Variants in COQ6 observed in about 807,000 individuals in gnomAD.
COQ6 encodes the protein coenzyme Q6, monooxygenase, also known as ubiquinone biosynthesis monooxygenase COQ6, mitochondrial.
A neutral mutation model predicts 55.5 loss-of-function variants in COQ6; 45 were observed. The observed-to-expected ratio is 0.81, with a 90% CI of 0.64 to 1.04. The LOEUF (loss-of-function observed/expected upper bound fraction) is 1.04, where lower values mean the gene tolerates loss of function less well. Among genes scored for constraint, COQ6 ranks in the 50% least tolerant of loss-of-function variants. The pLI is 0.00. For missense variants in COQ6, 550 were observed against 601.3 expected (o/e 0.91, Z 0.89); for synonymous variants, 206 against 230.5 (o/e 0.89, Z 0.96).
chr14:73,963,256 T>G lies in COQ6; in HGVS notation c.*257T>G, dbSNP rs2056836889. 2 of 562,750 alleles carry G rather than the reference T, an allele frequency of 3.6e-6. No homozygotes were observed. Among genetic ancestry groups the G allele is most frequent in the East Asian group, 2.9e-5 (1 of 34,944 alleles). The allele number at this position is 562,750 out of a possible 1,614,324, so 34.9% of individuals were successfully genotyped here. ...TTGGTTGAAAAGAGCTTTTTATTAC[T>G]AAAAAACCCACAAGGTGCTGTCTCA... is the stretch of plus-strand genomic sequence containing the variant. On this transcript the variant is annotated 3_prime_UTR_variant, in exon 12 of 12. Coordinates refer to ENST00000334571, the MANE Select transcript of COQ6 (RefSeq NM_182476.3).
rs2056716636 is a variant in COQ6, at chr14:73,961,275, C to T, written c.994C>T (p.Pro332Ser). ...KPTKVSARQL[P>S]PSVARVDAKS... Reference sequence around the variant, plus strand: ...CACTAAGGTCTCGGCTCGCCAGCTGCCCCCAAGCGTAGCCAGGGTGGATGC... The same window carrying T: ...CACTAAGGTCTCGGCTCGCCAGCTGTCCCCAAGCGTAGCCAGGGTGGATGC... Residue 332 changes from proline to serine, a missense_variant, in exon 9 of 12, where the codon CCC becomes TCC. Coordinates refer to ENST00000334571, the MANE Select transcript of COQ6 (RefSeq NM_182476.3). 1 of 1,614,040 alleles carries T rather than the reference C, an allele frequency of 6.2e-7. No individual in the cohort carries two copies. Among genetic ancestry groups the T allele is most frequent in the African/African-American group, 1.3e-5 (1 of 74,920 alleles).
At chr14:73,951,153 C>T (rs759206202) in intron 1 of COQ6, among the ~76,000 whole-genome samples, 1 of 152,074 alleles carries the variant, frequency 6.6e-6, no homozygotes, top group Non-Finnish European at 1.5e-5. Context: ...TGCGCCACCA[C>T]TCGGCTGATT....
intron 4 of COQ6, among the ~76,000 whole-genome samples, chr14:73,957,101 A>AT (rs1418106208): frequency 0.071 from 10,250 of 143,508 alleles, 425 homozygotes; most frequent in African/African-American, 0.083. Context: ...TATTATTATT[A>AT]TTTTTTTTTT....
Position 73,950,391 on chromosome 14 carries a change from C to T in COQ6, c.59C>T (p.Pro20Leu). 6.3e-7 allele frequency: 1 copy of T among 1,577,748 alleles called. No individual in the cohort carries two copies. Among genetic ancestry groups the T allele is most frequent in the South Asian group, 1.2e-5 (1 of 86,568 alleles). The change falls in exon 1 of 12, where the codon CCG becomes CTG. Residue 20 changes from proline to leucine, a missense_variant. Physicochemically the swap from Pro to Leu is moderately conservative, Grantham distance 98. Transcript: ENST00000334571. Reference protein sequence around the residue: ...GAVRAAPHSGPLVSWRRWSGA... With the variant: ...GAVRAAPHSGLLVSWRRWSGA... ...GTGCGTGCAGCTCCCCACAGCGGCCCGCTGGTGTCCTGGCGCAGGTGGTCC... is the reference window on the plus strand; with the variant it reads ...GTGCGTGCAGCTCCCCACAGCGGCCTGCTGGTGTCCTGGCGCAGGTGGTCC...
intron 8 of COQ6, chr14:73,960,215 C>T (rs2056650236): frequency 1.0e-6 from 1 of 987,488 alleles, no homozygotes; most frequent in Non-Finnish European, 1.2e-6. Context: ...TAAGAGTAAG[C>T]TTAGTAGATA....
Position 73,963,258 on chromosome 14 carries a change from A to G in COQ6, c.*259A>G, listed in dbSNP as rs759501929. The G allele has an allele frequency of 8.9e-6, 5 of 562,372 alleles. No homozygotes were observed. Among genetic ancestry groups the G allele is most frequent in the Non-Finnish European group, 1.6e-5 (5 of 319,506 alleles). The allele number at this position is 562,372 out of a possible 1,614,324, so 34.8% of individuals were successfully genotyped here. A position where few individuals can be genotyped will look rare whatever the true frequency, so the allele number is the denominator to read the frequency against. On this transcript the variant is annotated 3_prime_UTR_variant, in exon 12 of 12. Transcript: ENST00000334571. ...GGTTGAAAAGAGCTTTTTATTACTAAAAAACCCACAAGGTGCTGTCTCACT... is the reference window on the plus strand; with the variant it reads ...GGTTGAAAAGAGCTTTTTATTACTAGAAAACCCACAAGGTGCTGTCTCACT...
Position 73,961,792 on chromosome 14 carries a change from T to C in COQ6, c.1266T>C (p.Ala422=). 2.5e-6 allele frequency: 4 copies of C among 1,614,184 alleles called. No homozygotes were observed. Among genetic ancestry groups the C allele is most frequent in the Non-Finnish European group, 2.5e-6 (3 of 1,180,034 alleles). ...CAGAAAGACAGCGTCACAACACTGC[T>C]CTTCTGGCTGCTACAGACTTACTAA... ...YETERQRHNT[A]LLAATDLLKR... is the part of the protein sequence containing the mutation. The change falls in exon 11 of 12, where the codon GCT becomes GCC. Residue 422 remains alanine (A), a synonymous_variant. Coordinates refer to ENST00000334571, the MANE Select transcript of COQ6 (RefSeq NM_182476.3).
intron 8 of COQ6, 41 bp downstream of exon 8, chr14:73,959,563 G>C (rs1416300619): frequency 6.2e-7 from 1 of 1,613,904 alleles, no homozygotes; most frequent in Non-Finnish European, 8.5e-7. Context: ...GCTGCAGGGG[G>C]AGATACAGAA....
intron 1 of COQ6, among the ~76,000 whole-genome samples, chr14:73,951,870 TGGG>T (rs1460076037): frequency 1.4e-5 from 2 of 148,128 alleles, no homozygotes; most frequent in Non-Finnish European, 3.0e-5. Context: ...CATGGCTGCT[TGGG>T]AGGCTGAGGC....
intron 7 of COQ6, 35 bp downstream of exon 7, chr14:73,959,259 A>C (rs772524163): frequency 1.9e-6 from 3 of 1,614,102 alleles, no homozygotes; most frequent in East Asian, 4.5e-5. Flanking sequence ...GCCCACATGC[A>C]TGCAAGCCTT....
chr14:73,958,309 T>C, intron 5 of COQ6, 32 bp downstream of exon 5: 1 of 1,613,322 alleles, frequency 6.2e-7, no homozygotes, highest in Non-Finnish European at 8.5e-7. Flanking sequence ...GCTAGGGGTC[T>C]TGTATATCTA....
intron 5 of COQ6, chr14:73,958,768 A>C: frequency 1.4e-6 from 2 of 1,481,422 alleles, no homozygotes; most frequent in Non-Finnish European, 1.8e-6. Flanking sequence ...CTGTTCAGTC[A>C]TGTCCAGCTT....
rs2056850408 is a variant in COQ6 at position 73,963,515 on chromosome 14, C to T, written c.*516C>T. ...AAAGGAAAACCAGGTCTCATTAATG[C>T]TAGTTATTACTTTATCACAGCACCA... On this transcript the variant is annotated 3_prime_UTR_variant, in exon 12 of 12. Transcript: ENST00000334571. 1 of 167,964 alleles carries T rather than the reference C, an allele frequency of 6.0e-6. No individual in the cohort carries two copies. The highest frequency in any genetic ancestry group is 6.0e-5 in the Admixed American group (1 of 16,746). The allele number at this position is 167,964 out of a possible 1,614,324, so 10.4% of individuals were successfully genotyped here.
chr14:73,960,672 CAAGT>C (rs776722655), intron 8 of COQ6: 42 of 858,530 alleles, frequency 4.9e-5, no homozygotes, highest in Non-Finnish European at 5.8e-5. Context: ...AGTTCATAGT[CAAGT>C]AAGGAAGACC....
Position 73,961,838 on chromosome 14 carries a change from G to C in COQ6, c.1312G>C (p.Ala438Pro). 1 of 1,614,184 alleles carries C rather than the reference G, an allele frequency of 6.2e-7. No homozygotes were observed. The highest frequency in any genetic ancestry group is 8.5e-7 in the Non-Finnish European group (1 of 1,180,030). ...ACTAAAAAGGCTCTATTCTACCAGT[G>C]CCTCCCCGCTTGTGTTGCTCAGGAC... ...DLLKRLYSTSASPLVLLRTWG... is the reference protein window; with the variant it reads ...DLLKRLYSTSPSPLVLLRTWG... Residue 438 changes from alanine to proline, a missense_variant, in exon 11 of 12, where the codon GCC becomes CCC. Ala to Pro is a conservative substitution (Grantham distance 27). Transcript: ENST00000334571.
At chr14:73,959,608 G>C in intron 8 of COQ6, 86 bp downstream of exon 8, 1 of 1,600,222 alleles carries the variant, frequency 6.2e-7, no homozygotes, top group African/African-American at 1.3e-5. Context: ...ACGGATCCTT[G>C]CCAGGCTGGA....
intron 11 of COQ6, chr14:73,962,726 A>G: frequency 1.9e-6 from 1 of 523,564 alleles, no homozygotes; most frequent in South Asian, 2.6e-5. Flanking sequence ...CTGGGGAGGG[A>G]GGATTGCTTG....
chr14:73,953,776 T>C lies in COQ6; in HGVS notation c.298+207T>C, dbSNP rs944206525. 5 of 649,124 alleles carry C rather than the reference T, an allele frequency of 7.7e-6. No homozygotes were observed. In the African/African-American group the frequency reaches 9.0e-5, roughly 12 times the overall value. The allele number at this position is 649,124 out of a possible 1,614,324, so 40.2% of individuals were successfully genotyped here. Reference sequence around the variant, plus strand: ...CTGCCTCAACTCCCTGTCTGAGGAATGCATCCTTGAGGCATGTGGGTCCAT... The same window carrying C: ...CTGCCTCAACTCCCTGTCTGAGGAACGCATCCTTGAGGCATGTGGGTCCAT... On this transcript the variant is annotated intron_variant, in intron 2 of 11. Coordinates refer to ENST00000334571, the MANE Select transcript of COQ6 (RefSeq NM_182476.3).
Position 73,950,395 on chromosome 14 carries a change from G to A in COQ6, c.63G>A (p.Leu21=). 2 of 1,582,446 alleles carry A rather than the reference G, an allele frequency of 1.3e-6. No individual in the cohort carries two copies. The highest frequency in any genetic ancestry group is 2.3e-5 in the East Asian group (1 of 43,038). Residue 21 remains leucine, a synonymous_variant, in exon 1 of 12, where the codon CTG becomes CTA. Coordinates refer to ENST00000334571, the MANE Select transcript of COQ6 (RefSeq NM_182476.3). ...AVRAAPHSGP[L]VSWRRWSGAS... Reference sequence around the variant, plus strand: ...GTGCAGCTCCCCACAGCGGCCCGCTGGTGTCCTGGCGCAGGTGGTCCGGCG... The same window carrying A: ...GTGCAGCTCCCCACAGCGGCCCGCTAGTGTCCTGGCGCAGGTGGTCCGGCG...
Sources: gnomAD v4.1 joint callset for allele counts (sites outside exome capture counted in the v4.1 genomes callset) on GRCh38, gnomAD v4.1.1 for gene constraint, MANE v1.5 for transcripts, NCBI Gene and HGNC (gene_info 2026-07-23, HGNC 2026-07-21) for gene names.